The following SCHIP1 variants were observed in gnomAD, a reference collection of about 807,000 sequenced individuals.
SCHIP1 encodes schwannomin-interacting protein 1.
SCHIP1 carries 8 observed loss-of-function variants against 29.7 expected under a neutral mutation model. That is an observed-to-expected ratio of 0.27 (90% CI 0.16 to 0.49). The LOEUF (loss-of-function observed/expected upper bound fraction) is 0.49. SCHIP1 is among the 20% of genes least tolerant of loss of function. SCHIP1 has a pLI of 0.99. For synonymous variants in SCHIP1, 76 were observed against 94.9 expected, an observed-to-expected ratio of 0.80 and a Z score of 1.16; for missense variants, 193 against 294.6, an observed-to-expected ratio of 0.66 and a Z score of 2.52.
At chr3:159,692,676 A>C in the SCHIP1 span, among the ~76,000 whole-genome samples, 9 of 152,090 alleles carry the variant, frequency 5.9e-5, no homozygotes, top group African/African-American at 2.2e-4. Flanking sequence ...CCCTCTTTTA[A>C]AACTCAAAGG....
the SCHIP1 span, among the ~76,000 whole-genome samples, chr3:159,775,539 T>C: frequency 6.6e-6 from 1 of 152,204 alleles, no homozygotes; most frequent in African/African-American, 2.4e-5. Flanking sequence ...GTTTCGCCTT[T>C]CTCTCCTGTG....
chr3:159,725,971 G>T, the SCHIP1 span, among the ~76,000 whole-genome samples: 21 of 152,116 alleles, frequency 1.4e-4, no homozygotes, highest in Non-Finnish European at 2.6e-4. Flanking sequence ...AGTGGATGAT[G>T]GTGCTATACT....
chr3:159,611,958 T>C, the SCHIP1 span, among the ~76,000 whole-genome samples: 1 of 152,202 alleles, frequency 6.6e-6, no homozygotes, highest in African/African-American at 2.4e-5. Context: ...ATATAATTTT[T>C]CTCATAAGTG....
upstream of SCHIP1, among the ~76,000 whole-genome samples, chr3:159,838,271 GAT>G (rs1482687944): frequency 2.6e-5 from 4 of 152,206 alleles, no homozygotes; most frequent in African/African-American, 9.6e-5. Context: ...CCACAAAACA[GAT>G]AAGTTATTAA....
At chr3:159,302,727 T>C in the SCHIP1 span, among the ~76,000 whole-genome samples, 2 of 152,200 alleles carry the variant, frequency 1.3e-5, no homozygotes, top group Non-Finnish European at 2.9e-5. Flanking sequence ...AAGCACCTGC[T>C]ACAAGTAAAA....
the SCHIP1 span, among the ~76,000 whole-genome samples, chr3:159,515,954 T>A: frequency 9.4e-5 from 14 of 149,036 alleles, no homozygotes; most frequent in South Asian, 2.8e-3. Context: ...AAGTGCCAAG[T>A]GAAAAATACA....
chr3:159,694,537 C>CAGA, the SCHIP1 span, among the ~76,000 whole-genome samples: 2 of 119,348 alleles, frequency 1.7e-5, no homozygotes, highest in Non-Finnish European at 3.4e-5. Context: ...AAAGAAAAGA[C>CAGA]AAGAAAGAAA....
the SCHIP1 span, among the ~76,000 whole-genome samples, chr3:159,571,418 A>T: frequency 6.6e-6 from 1 of 152,162 alleles, no homozygotes; most frequent in Non-Finnish European, 1.5e-5. Context: ...TTCTGTTTAT[A>T]TGAAGGATTA....
the SCHIP1 span, among the ~76,000 whole-genome samples, chr3:159,364,465 G>C: frequency 1.3e-5 from 2 of 152,116 alleles, no homozygotes; most frequent in Non-Finnish European, 2.9e-5. Context: ...TCTGCTTCTT[G>C]CATGTCAAAA....
the SCHIP1 span, among the ~76,000 whole-genome samples, chr3:159,674,138 C>A: frequency 6.6e-6 from 1 of 152,208 alleles, no homozygotes; most frequent in Non-Finnish European, 1.5e-5. Flanking sequence ...GGGCACGCTC[C>A]ATTTATCCCA....
the SCHIP1 span, among the ~76,000 whole-genome samples, chr3:159,541,875 TAA>T: frequency 6.6e-6 from 1 of 152,028 alleles, no homozygotes; most frequent in Non-Finnish European, 1.5e-5. Context: ...TCAGAAATAA[TAA>T]AGTTTAAGGG....
the SCHIP1 span, among the ~76,000 whole-genome samples, chr3:159,794,205 C>T: frequency 2.0e-5 from 3 of 152,146 alleles, no homozygotes; most frequent in Admixed American, 1.3e-4. Context: ...CATTTGAGTA[C>T]AGAAACCTCT....
chr3:159,352,501 A>G, the SCHIP1 span, among the ~76,000 whole-genome samples: 2 of 152,242 alleles, frequency 1.3e-5, no homozygotes, highest in Non-Finnish European at 2.9e-5. Flanking sequence ...AAATCAAACC[A>G]GGAAACTGAC....
chr3:159,755,240 A>AG, the SCHIP1 span, among the ~76,000 whole-genome samples: 1 of 152,190 alleles, frequency 6.6e-6, no homozygotes, highest in Non-Finnish European at 1.5e-5. Flanking sequence ...CTCTCAAAAA[A>AG]AAAGAAAGAA....
the SCHIP1 span, among the ~76,000 whole-genome samples, chr3:159,828,568 C>T: frequency 1.3e-5 from 2 of 150,878 alleles, no homozygotes; most frequent in Admixed American, 6.6e-5. Context: ...GAAAATGTAT[C>T]GTACTTTTGA....
the SCHIP1 span, among the ~76,000 whole-genome samples, chr3:159,421,016 TAA>T: frequency 2.0e-5 from 3 of 152,192 alleles, no homozygotes; most frequent in Non-Finnish European, 4.4e-5. Flanking sequence ...AAAACCTCAT[TAA>T]AGTCTTCAAA....
the SCHIP1 span, among the ~76,000 whole-genome samples, chr3:159,522,738 G>A: frequency 2.0e-5 from 3 of 152,114 alleles, no homozygotes; most frequent in Non-Finnish European, 4.4e-5. Context: ...GCGTGGTGGC[G>A]CAAGCCTGTA....
the SCHIP1 span, among the ~76,000 whole-genome samples, chr3:159,432,323 TGTGTGTGTGTGTGTGTGA>T: frequency 9.6e-6 from 1 of 103,806 alleles, no homozygotes; most frequent in African/African-American, 3.2e-5. Flanking sequence ...TGTGTGTGTG[TGTGTGTGTGTGTGTGTGA>T]GAGAGAGAGA....
At chr3:159,816,574 G>C in the SCHIP1 span, among the ~76,000 whole-genome samples, 1 of 152,176 alleles carries the variant, frequency 6.6e-6, no homozygotes, top group Non-Finnish European at 1.5e-5. Flanking sequence ...CCCGGCCTCT[G>C]CCTCTGATCC....
Sources: gnomAD v4.1 joint callset for allele counts (sites outside exome capture counted in the v4.1 genomes callset) on GRCh38, gnomAD v4.1.1 for gene constraint, MANE v1.5 for transcripts, NCBI Gene and HGNC (gene_info 2026-07-23, HGNC 2026-07-21) for gene names.